CDHR1: variants seen among roughly 807,000 people sequenced by gnomAD.
The protein encoded by CDHR1 is cadherin related family member 1, also known as cadherin-related family member 1.
In CDHR1, 61 loss-of-function variants were observed where a neutral mutation model predicts 72.1. That is an observed-to-expected ratio of 0.85 (90% CI 0.69 to 1.05). The LOEUF (loss-of-function observed/expected upper bound fraction) is 1.05. Among genes scored for constraint, CDHR1 ranks in the 50% least tolerant of loss-of-function variants. The pLI is 0.00. For synonymous variants in CDHR1, 470 were observed against 448.1 expected, an observed-to-expected ratio of 1.05 and a Z score of -0.62; for missense variants, 1,186 against 1,115.7, an observed-to-expected ratio of 1.06 and a Z score of -0.90.
Position 84,200,693 on chromosome 10 carries a change from G to T in CDHR1, c.525+6G>T. On this transcript the variant is annotated splice_donor_region_variant and intron_variant, in intron 6 of 16. Transcript: ENST00000623527. ...GTGTCACCTACTTCCTGCAGGTAAG[G>T]CAGGACACACAGGACCTAACCTGGG... The T allele has an allele frequency of 6.2e-7, 1 of 1,605,288 alleles. No homozygotes were observed. Among genetic ancestry groups the T allele is most frequent in the Non-Finnish European group, 8.5e-7 (1 of 1,175,008 alleles).
intron 10 of CDHR1, among the ~76,000 whole-genome samples, chr10:84,207,870 C>G (rs1589303121): frequency 6.6e-6 from 1 of 152,138 alleles, no homozygotes; most frequent in Non-Finnish European, 1.5e-5. Flanking sequence ...AGCTGTTGGA[C>G]TAAGAGGTTC....
chr10:84,201,297 C>CCAGG (rs1328330541), intron 6 of CDHR1, among the ~76,000 whole-genome samples: 1 of 152,190 alleles, frequency 6.6e-6, no homozygotes, highest in Non-Finnish European at 1.5e-5. Flanking sequence ...AGAAGGGCCC[C>CCAGG]CAGGGACCCT....
At position 84,216,090 on chromosome 10, in the gene CDHR1, G is replaced by A; in HGVS notation, c.*1469G>A. 1 of 985,462 alleles carries A rather than the reference G, an allele frequency of 1.0e-6. No individual in the cohort carries two copies. Among genetic ancestry groups the A allele is most frequent in the Non-Finnish European group, 1.2e-6 (1 of 829,950 alleles). 61.0% of individuals were successfully genotyped at this position (985,462 alleles called of 1,614,324 possible). ...CCTCTGGGGTTAATACAAATAGGTT[G>A]TGCCCTGCTTTAAGGAACCTGCTAT... On this transcript the variant is annotated 3_prime_UTR_variant, in exon 17 of 17. Transcript: ENST00000623527.
chr10:84,204,757 C>T, intron 9 of CDHR1, 152 bp downstream of exon 9: 2 of 649,030 alleles, frequency 3.1e-6, no homozygotes, highest in Non-Finnish European at 5.6e-6. Flanking sequence ...ACAAGCAAGT[C>T]TCTGGGTTGT....
Position 84,203,040 on chromosome 10 carries a change from G to T in CDHR1, c.700G>T (p.Val234Phe). The T allele has an allele frequency of 6.2e-7, 1 of 1,614,228 alleles. No homozygotes were observed. Among genetic ancestry groups the T allele is most frequent in the Non-Finnish European group, 8.5e-7 (1 of 1,180,042 alleles). Reference sequence around the variant, plus strand: ...GTTCTCAGCCACCACCACGGTCACGGTCAATGTGGAGGATGTTCAGGACAT... The same window carrying T: ...GTTCTCAGCCACCACCACGGTCACGTTCAATGTGGAGGATGTTCAGGACAT... ...VVFSATTTVT[V>F]NVEDVQDMAP... Residue 234 changes from valine to phenylalanine, a missense_variant, in exon 8 of 17, where the codon GTC (valine) becomes TTC (phenylalanine). By Grantham distance (50) the Val-to-Phe change is conservative (BLOSUM62 -1). Coordinates refer to ENST00000623527, the MANE Select transcript of CDHR1 (RefSeq NM_033100.4).
At chr10:84,202,142 G>C (rs762564825) in intron 7 of CDHR1, among the ~76,000 whole-genome samples, 1 of 152,100 alleles carries the variant, frequency 6.6e-6, no homozygotes, top group South Asian at 2.1e-4. Flanking sequence ...GAAACTAATG[G>C]GCCAGGATCC....
At chr10:84,219,243 T>C, downstream of CDHR1, 1 of 1,550,722 alleles carries the variant, frequency 6.4e-7, no homozygotes, top group Non-Finnish European at 8.7e-7. Context: ...ATCTGTACTC[T>C]AGAGTTTTTC....
At position 84,206,640 on chromosome 10, in the gene CDHR1, C is replaced by T. The variant is rs373376523; in HGVS notation, c.963+713C>T. Among the ~76,000 whole-genome samples, 11 of 152,304 alleles carry T rather than the reference C, an allele frequency of 7.2e-5. No individual in the cohort carries two copies. In the East Asian group the frequency reaches 1.9e-3, roughly 27 times the overall value. On this transcript the variant is annotated intron_variant, in intron 10 of 16. Transcript: ENST00000623527. Reference sequence around the variant, plus strand: ...AAGTTCACCTGGCTGCTCACCAGACCAGTGGAGTTCCCAAATTTGGAGATT... The same window carrying T: ...AAGTTCACCTGGCTGCTCACCAGACTAGTGGAGTTCCCAAATTTGGAGATT...
In CDHR1 at chr10:84,216,968, G is replaced by A. The variant is rs1842435521; in HGVS notation, c.*2347G>A. ...AGCTTGGGCTTGCAAGTGGATCCGG[G>A]ACCGAGGGTGGTCTCTTGGACAACC... On this transcript the variant is annotated 3_prime_UTR_variant, in exon 17 of 17. Transcript: ENST00000623527. 1 of 985,350 alleles carries A rather than the reference G, an allele frequency of 1.0e-6. No homozygotes were observed. Among genetic ancestry groups the A allele is most frequent in the Non-Finnish European group, 1.2e-6 (1 of 829,966 alleles). The allele number at this position is 985,350 out of a possible 1,614,324, so 61.0% of individuals were successfully genotyped here.
At chr10:84,209,030 A>T in intron 12 of CDHR1, 149 bp downstream of exon 12, 1 of 897,078 alleles carries the variant, frequency 1.1e-6, no homozygotes, top group Non-Finnish European at 1.8e-6. Flanking sequence ...CCTCCTGCAG[A>T]TTGCTCACAG....
Position 84,212,260 on chromosome 10 carries a change from C to T in CDHR1, c.1635C>T (p.Asn545=). 1.9e-6 allele frequency: 3 copies of T among 1,614,264 alleles called. No individual in the cohort carries two copies. The highest frequency in any genetic ancestry group is 2.5e-6 in the Non-Finnish European group (3 of 1,180,044). The change falls in exon 15 of 17, where the codon AAC becomes AAT. Residue 545 remains asparagine (N), a synonymous_variant. Transcript: ENST00000623527. ...SLDAEATARY[N]FYVKAEDMEG... The stretch of plus-strand genomic sequence containing the variant: ...ACGCTGAGGCCACTGCCAGGTACAA[C>T]TTCTATGTGAAGGCAGAGGACATGG...
Position 84,218,363 on chromosome 10 carries a change from T to A in CDHR1, c.*3742T>A, listed in dbSNP as rs1460563536. 2.0e-6 allele frequency: 2 copies of A among 985,348 alleles called. No individual in the cohort carries two copies. The highest frequency in any genetic ancestry group is 2.4e-6 in the Non-Finnish European group (2 of 829,948). The allele number at this position is 985,348 out of a possible 1,614,324, so 61.0% of individuals were successfully genotyped here. A position where few individuals can be genotyped will look rare whatever the true frequency, so the allele number is the denominator to read the frequency against. On this transcript the variant is annotated 3_prime_UTR_variant, in exon 17 of 17. Transcript: ENST00000623527. ...GTTTGATGTTATAAAATCGTGCACA[T>A]GTACCCCTTTTGAGGCCTGAATGAG...
intron 9 of CDHR1, 83 bp from the exon 10 acceptor site, chr10:84,205,744 A>G: frequency 1.1e-6 from 1 of 871,930 alleles, no homozygotes. Flanking sequence ...TTCCCTAGGC[A>G]ATGCAGGACG....
intron 4 of CDHR1, 106 bp from the exon 5 acceptor site, chr10:84,198,923 AGAG>A: frequency 5.0e-6 from 4 of 806,522 alleles, no homozygotes; most frequent in Non-Finnish European, 8.5e-6. Context: ...AGAGAGAGAG[AGAG>A]GAGGGATGGG....
intron 3 of CDHR1, 54 bp downstream of exon 3, chr10:84,196,704 G>A (rs569384352): frequency 1.2e-6 from 2 of 1,602,770 alleles, no homozygotes; most frequent in East Asian, 2.2e-5. Flanking sequence ...ACAGACCTCG[G>A]TGGGCTGAAG....
intron 15 of CDHR1, chr10:84,212,747 C>A: frequency 1.9e-6 from 1 of 522,766 alleles, no homozygotes; most frequent in Non-Finnish European, 3.4e-6. Context: ...TGAAACCCAG[C>A]AGACTTGACT....
chr10:84,216,007 G>A lies in CDHR1; in HGVS notation c.*1386G>A. ...AGGTTGGTAGCAAAGATCTTGTCTA[G>A]CCAGGGCAGCCCTTATCAGCTTGTG... On this transcript the variant is annotated 3_prime_UTR_variant, in exon 17 of 17. Coordinates refer to ENST00000623527, the MANE Select transcript of CDHR1 (RefSeq NM_033100.4). 1 of 985,330 alleles carries A rather than the reference G, an allele frequency of 1.0e-6. No homozygotes were observed. Among genetic ancestry groups the A allele is most frequent in the Non-Finnish European group, 1.2e-6 (1 of 829,938 alleles). 61.0% of individuals were successfully genotyped at this position (985,330 alleles called of 1,614,324 possible). A position where few individuals can be genotyped will look rare whatever the true frequency, so the allele number is the denominator to read the frequency against.
chr10:84,205,835 G>GA lies in CDHR1; in HGVS notation c.871_872insA (p.Gly291GlufsTer4), dbSNP rs773073938. 1.9e-6 allele frequency: 3 copies of GA among 1,613,654 alleles called. No individual in the cohort carries two copies. The highest frequency in any genetic ancestry group is 1.7e-6 in the Non-Finnish European group (2 of 1,179,710). On this transcript the variant is annotated frameshift_variant, in exon 10 of 17. Coordinates refer to ENST00000623527, the MANE Select transcript of CDHR1 (RefSeq NM_033100.4). LOFTEE classifies it high-confidence loss of function. ...TGCATCTCCCTTGACAGGGAACGAT[G>GA]GAGCCTTTGAAATTAATGAGACATC... is the stretch of plus-strand genomic sequence containing the variant.
In CDHR1 at chr10:84,213,080, C is replaced by T; in HGVS notation, c.1783-11C>T. On this transcript the variant is annotated splice_polypyrimidine_tract_variant and intron_variant, in intron 15 of 16. Coordinates refer to ENST00000623527, the MANE Select transcript of CDHR1 (RefSeq NM_033100.4). ...CAAAGCCCAGCTCTGTCTGTCTCTC[C>T]CTGCGCACAGGCCATAGACGAGGAT... is the stretch of plus-strand genomic sequence containing the variant. 1 of 1,614,218 alleles carries T rather than the reference C, an allele frequency of 6.2e-7. No individual in the cohort carries two copies. Among genetic ancestry groups the T allele is most frequent in the Non-Finnish European group, 8.5e-7 (1 of 1,180,038 alleles).
Sources: gnomAD v4.1 joint callset for allele counts (sites outside exome capture counted in the v4.1 genomes callset) on GRCh38, gnomAD v4.1.1 for gene constraint, MANE v1.5 for transcripts, NCBI Gene and HGNC (gene_info 2026-07-23, HGNC 2026-07-21) for gene names.